COL4A4: variants seen among roughly 807,000 people sequenced by gnomAD.
COL4A4 encodes collagen alpha-4(IV) chain.
COL4A4 carries 105 observed loss-of-function variants against 192.9 expected under a neutral mutation model. The ratio of observed to expected loss-of-function variants is 0.54; its 90% CI spans 0.46 to 0.64. The LOEUF (loss-of-function observed/expected upper bound fraction) is 0.64. COL4A4 is among the 30% of genes least tolerant of loss of function. The pLI is 0.00. For synonymous variants in COL4A4, 762 were observed against 769.9 expected, an observed-to-expected ratio of 0.99 and a Z score of 0.17; for missense variants, 1,967 against 2,169.3, an observed-to-expected ratio of 0.91 and a Z score of 1.85.
At chr2:227,148,781 A>T (rs534713834) in intron 1 of COL4A4, among the ~76,000 whole-genome samples, 5 of 151,936 alleles carry the variant, frequency 3.3e-5, no homozygotes, top group African/African-American at 9.6e-5. Context: ...TCTTTAAAAG[A>T]CCTGTCTCTA....
chr2:227,021,374 C>T (rs1217106323), intron 44 of COL4A4, among the ~76,000 whole-genome samples: 1 of 152,144 alleles, frequency 6.6e-6, no homozygotes, highest in Non-Finnish European at 1.5e-5. Context: ...GTTTCCGCTC[C>T]ACCAAGCCCC....
chr2:227,038,408 TTTGTTCC>T (rs1970114840), intron 37 of COL4A4, among the ~76,000 whole-genome samples: 3 of 152,236 alleles, frequency 2.0e-5, no homozygotes, highest in African/African-American at 7.2e-5. Flanking sequence ...AGGTCTCTGT[TTTGTTCC>T]ATTGGTCAAG....
At position 227,077,921 on chromosome 2, in the gene COL4A4, C is replaced by T; in HGVS notation, c.1960G>A (p.Gly654Ser). Reference protein sequence around the residue: ...PGVPGHPGVRGPDGLKGQKGD... With the variant: ...PGVPGHPGVRSPDGLKGQKGD... ...TTCTGACCCTTCAAGCCATCAGGGC[C>T]CCTCACACCTGGGTGGCCTGGAACT... Residue 654 changes from glycine (G) to serine (S), a missense_variant, in exon 25 of 48, where the codon GGC (glycine) becomes AGC (serine). Transcript: ENST00000396625. 6.2e-7 allele frequency: 1 copy of T among 1,613,380 alleles called. No homozygotes were observed.
chr2:227,014,066 T>C (rs550063821), intron 44 of COL4A4, among the ~76,000 whole-genome samples: 1 of 152,202 alleles, frequency 6.6e-6, no homozygotes, highest in South Asian at 2.1e-4. Flanking sequence ...CCTGCCCCTC[T>C]GCGGCCCCAG....
intron 37 of COL4A4, among the ~76,000 whole-genome samples, chr2:227,041,856 A>AGAGAGAGAGAGAGAG (rs1559478390): frequency 1.0e-5 from 1 of 96,976 alleles, no homozygotes; most frequent in Non-Finnish European, 2.1e-5. Context: ...AAGAGAAAGA[A>AGAGAGAGAGAGAGAG]AGAAAGAAAG....
chr2:227,134,035 G>C (rs898606743), intron 4 of COL4A4, among the ~76,000 whole-genome samples: 2 of 152,150 alleles, frequency 1.3e-5, no homozygotes, highest in Admixed American at 6.5e-5. Context: ...CTTGACACAG[G>C]GGGGACACTT....
chr2:227,109,327 G>T (rs200548552), intron 9 of COL4A4, 41 bp from the exon 10 acceptor site: 1 of 1,519,304 alleles, frequency 6.6e-7, no homozygotes, highest in Non-Finnish European at 9.1e-7. Context: ...ACCCAAAATT[G>T]TAATCATCTT....
At chr2:227,140,995 T>C in intron 3 of COL4A4, among the ~76,000 whole-genome samples, 1 of 151,828 alleles carries the variant, frequency 6.6e-6, no homozygotes, top group Admixed American at 6.6e-5. Context: ...TCCACTTCCA[T>C]ATAAAAGCAT....
chr2:227,099,747 G>T, intron 17 of COL4A4, 58 bp from the exon 18 acceptor site: 1 of 1,444,816 alleles, frequency 6.9e-7, no homozygotes. Flanking sequence ...CATGTTGCCT[G>T]GCATTAAACC....
the COL4A4 span, among the ~76,000 whole-genome samples, chr2:226,992,837 T>C: frequency 6.6e-6 from 1 of 152,220 alleles, no homozygotes; most frequent in Non-Finnish European, 1.5e-5. Flanking sequence ...GAAGGTTCGC[T>C]GTTCTTCATG....
intron 1 of COL4A4, among the ~76,000 whole-genome samples, chr2:227,162,576 C>T (rs114202860): frequency 0.02 from 2,978 of 152,228 alleles, 113 homozygotes; most frequent in African/African-American, 0.068. Context: ...GCAACATCTG[C>T]GATATGGTCA....
chr2:226,983,768 G>T, the COL4A4 span, among the ~76,000 whole-genome samples: 1 of 152,172 alleles, frequency 6.6e-6, no homozygotes, highest in Non-Finnish European at 1.5e-5. Flanking sequence ...AAAAGTCAAT[G>T]AAAACATTCC....
chr2:227,041,828 GAAAGAAAGAAAGAA>G (rs1559477519), intron 37 of COL4A4, among the ~76,000 whole-genome samples: 26 of 51,914 alleles, frequency 5.0e-4, no homozygotes, highest in South Asian at 2.3e-3. Flanking sequence ...AAGAAAGAAA[GAAAGAAAGAAAGAA>G]AGAAAGAGAA....
At chr2:226,981,028 C>G in the COL4A4 span, among the ~76,000 whole-genome samples, 1 of 152,162 alleles carries the variant, frequency 6.6e-6, no homozygotes, top group East Asian at 1.9e-4. Context: ...TAAAACCAGT[C>G]TGAGACACTC....
intron 13 of COL4A4, 28 bp downstream of exon 13, chr2:227,103,944 C>G (rs779297466): frequency 6.4e-7 from 1 of 1,564,546 alleles, no homozygotes; most frequent in South Asian, 1.1e-5. Flanking sequence ...TGCTACTTTC[C>G]AAGGTGACAT....
At chr2:227,007,921 G>C in intron 47 of COL4A4, 97 bp downstream of exon 47, 1 of 1,455,690 alleles carries the variant, frequency 6.9e-7, no homozygotes, top group Non-Finnish European at 9.4e-7. Context: ...CCTAAGCGCA[G>C]AGTGCTCAGA....
chr2:227,057,408 C>A, intron 29 of COL4A4, 31 bp downstream of exon 29: 6 of 1,576,942 alleles, frequency 3.8e-6, no homozygotes, highest in Non-Finnish European at 5.2e-6. Context: ...GTAGGGTAAG[C>A]CCCAGACCCT....
rs922187763 is a variant in COL4A4, at chr2:227,006,435, C to T, written c.*890G>A. ...CGCACGCACCTGTGACACGCCGGAC[C>T]CCGACTGGGGAAAAGCAGTCTGTCT... On this transcript the variant is annotated 3_prime_UTR_variant, in exon 48 of 48. Coordinates refer to ENST00000396625, the MANE Select transcript of COL4A4 (RefSeq NM_000092.5). 2.6e-5 allele frequency: 4 copies of T among 152,668 alleles called. No individual in the cohort carries two copies. The highest frequency in any genetic ancestry group is 1.9e-4 in the East Asian group (1 of 5,196). The allele number at this position is 152,668 out of a possible 1,614,324, so 9.5% of individuals were successfully genotyped here. A position where few individuals can be genotyped will look rare whatever the true frequency, so the allele number is the denominator to read the frequency against.
intron 43 of COL4A4, 38 bp from the exon 44 acceptor site, chr2:227,022,211 T>C: frequency 6.2e-7 from 1 of 1,613,712 alleles, no homozygotes; most frequent in South Asian, 1.1e-5. Flanking sequence ...TGGATGCACG[T>C]GCTTATGAAC....
Sources: gnomAD v4.1 joint callset for allele counts (sites outside exome capture counted in the v4.1 genomes callset) on GRCh38, gnomAD v4.1.1 for gene constraint, MANE v1.5 for transcripts, NCBI Gene and HGNC (gene_info 2026-07-23, HGNC 2026-07-21) for gene names.